The following BNIP3 variants were observed in gnomAD, a reference collection of about 807,000 sequenced individuals.
BNIP3 encodes the protein BCL2/adenovirus E1B 19 kDa protein-interacting protein 3.
BNIP3 carries 16 observed loss-of-function variants against 23.9 expected under a neutral mutation model. The observed-to-expected ratio is 0.67, with a 90% confidence interval of 0.45 to 1.01. BNIP3 has a LOEUF of 1.01. Among genes scored for constraint, BNIP3 ranks in the 50% least tolerant of loss-of-function variants. BNIP3 has a pLI of 0.00. For synonymous variants in BNIP3, 81 were observed against 89.3 expected (o/e 0.91, Z 0.53); for missense variants, 198 against 248.7 (o/e 0.80, Z 1.37).
intron 3 of BNIP3, 106 bp downstream of exon 3, chr10:131,972,928 C>T (rs2037048122): frequency 1.7e-6 from 2 of 1,175,006 alleles, no homozygotes; most frequent in South Asian, 1.4e-5. Flanking sequence ...AGGAAACACC[C>T]TTAAAGCCCG....
chr10:131,974,374 A>T (rs1174843953), intron 1 of BNIP3, among the ~76,000 whole-genome samples: 3 of 152,226 alleles, frequency 2.0e-5, no homozygotes, highest in Non-Finnish European at 4.4e-5. Context: ...GTTTTCTTTA[A>T]AAGGTTTAAG....
At chr10:131,980,208 C>CG (rs1418122033) in intron 1 of BNIP3, 2 of 152,228 alleles carry the variant, frequency 1.3e-5, no homozygotes, top group African/African-American at 2.4e-5. Context: ...CCGAGCCCCC[C>CG]GGAGCCCCCT....
At chr10:131,973,974 G>A (rs1370453411) in intron 1 of BNIP3, 31 bp from the exon 2 acceptor site, 2 of 1,612,486 alleles carry the variant, frequency 1.2e-6, no homozygotes, top group South Asian at 1.1e-5. Context: ...GGCGCAGATG[G>A]AATTCTCTAC....
chr10:131,972,038 A>ATT (rs72515748), intron 3 of BNIP3, among the ~76,000 whole-genome samples: 2 of 74,578 alleles, frequency 2.7e-5, no homozygotes, highest in African/African-American at 1.8e-4. Context: ...CCAAGAAAAC[A>ATT]CATCGCGCAT....
chr10:131,970,530 C>G lies in BNIP3; in HGVS notation c.539+108G>C. On this transcript the variant is annotated intron_variant, in intron 5 of 5. Transcript: ENST00000368636. This position sits in a 1 kb window ranked among gnomAD's most constrained non-coding sequence, Gnocchi z 4.1. The stretch of plus-strand genomic sequence containing the variant: ...TGGGTGTTTGTGAAAATGCACCAAG[C>G]TGTAACTGATGATCTGGACTTCAGG... 7.0e-7 allele frequency: 1 copy of G among 1,423,398 alleles called. No homozygotes were observed. The highest frequency in any genetic ancestry group is 9.4e-7 in the Non-Finnish European group (1 of 1,058,902). 88.2% of individuals were successfully genotyped at this position (1,423,398 alleles called of 1,614,324 possible). A position where few individuals can be genotyped will look rare whatever the true frequency, so the allele number is the denominator to read the frequency against.
At chr10:131,973,164 A>G (rs760577476) in intron 2 of BNIP3, 46 bp from the exon 3 acceptor site, 1 of 1,586,060 alleles carries the variant, frequency 6.3e-7, no homozygotes, top group South Asian at 1.1e-5. Flanking sequence ...TCATGTGAAC[A>G]TTCTATCATT....
chr10:131,973,288 C>G (rs557363817), intron 2 of BNIP3, 170 bp from the exon 3 acceptor site: 1 of 642,368 alleles, frequency 1.6e-6, no homozygotes, highest in African/African-American at 1.8e-5. Context: ...TCTTCCTCAG[C>G]CCTTTTGGCT....
At chr10:131,972,799 G>A (rs998054341) in intron 3 of BNIP3, among the ~76,000 whole-genome samples, 2 of 152,136 alleles carry the variant, frequency 1.3e-5, no homozygotes, top group African/African-American at 2.4e-5. Context: ...GGAGGCCCCC[G>A]CTGCCTGTCC....
chr10:131,978,651 G>T (rs2037097350), intron 1 of BNIP3, among the ~76,000 whole-genome samples: 1 of 152,198 alleles, frequency 6.6e-6, no homozygotes, highest in Non-Finnish European at 1.5e-5. Context: ...AGAATCACCT[G>T]TGGTGTTTTT....
chr10:131,975,848 C>CTAA (rs2037074891), intron 1 of BNIP3, among the ~76,000 whole-genome samples: 1 of 152,228 alleles, frequency 6.6e-6, no homozygotes, highest in Non-Finnish European at 1.5e-5. Flanking sequence ...ATGTCCTGGC[C>CTAA]TACACGAAGC....
At chr10:131,977,025 C>A (rs536861298) in intron 1 of BNIP3, among the ~76,000 whole-genome samples, 1 of 152,264 alleles carries the variant, frequency 6.6e-6, no homozygotes, top group South Asian at 2.1e-4. Context: ...GTAATCCCAG[C>A]ACTTTGGGAG....
intron 1 of BNIP3, 93 bp from the exon 2 acceptor site, chr10:131,974,036 A>T (rs2037061984): frequency 5.9e-6 from 9 of 1,521,138 alleles, no homozygotes; most frequent in Non-Finnish European, 7.2e-6. Flanking sequence ...TCCATTTCCA[A>T]GAGGTAGCAA....
In BNIP3 at chr10:131,981,748, T is replaced by C; in HGVS notation, c.46+13A>G. The C allele has an allele frequency of 6.8e-7, 1 of 1,463,988 alleles. No individual in the cohort carries two copies. 90.7% of individuals were successfully genotyped at this position (1,463,988 alleles called of 1,614,324 possible). A position where few individuals can be genotyped will look rare whatever the true frequency, so the allele number is the denominator to read the frequency against. On this transcript the variant is annotated intron_variant, in intron 1 of 5. Coordinates refer to ENST00000368636, the MANE Select transcript of BNIP3 (RefSeq NM_004052.4). Reference sequence around the variant, plus strand: ...GCGCCCCCTCGGCTCCCGCGCCGCCTCCTCCGCCTCACCCTGCAGGCTCTC... The same window carrying C: ...GCGCCCCCTCGGCTCCCGCGCCGCCCCCTCCGCCTCACCCTGCAGGCTCTC...
At chr10:131,968,610 T>G in intron 5 of BNIP3, 41 bp from the exon 6 acceptor site, 3 of 1,528,446 alleles carry the variant, frequency 2.0e-6, no homozygotes, top group Non-Finnish European at 2.7e-6. Context: ...ATCTTGTGAT[T>G]CACAGGAGAC....
In BNIP3 at chr10:131,973,777, G is replaced by A. The variant is rs890959905; in HGVS notation, c.197+16C>T. ...CATCGGCACTGTAACACATACACTT[G>A]TTGATGCGCGCCTACCTGTCACAGT... On this transcript the variant is annotated intron_variant, in intron 2 of 5. Transcript: ENST00000368636. The A allele has an allele frequency of 6.2e-7, 1 of 1,611,740 alleles. No homozygotes were observed. Among genetic ancestry groups the A allele is most frequent in the East Asian group, 2.2e-5 (1 of 44,890 alleles).
At position 131,968,047 on chromosome 10, in the gene BNIP3, TTTAAA is replaced by T. The variant is rs2036987499; in HGVS notation, c.*472_*476del. 1.3e-5 allele frequency: 2 copies of T among 153,434 alleles called. No homozygotes were observed. The highest frequency in any genetic ancestry group is 4.8e-5 in the African/African-American group (2 of 41,470). The allele number at this position is 153,434 out of a possible 1,614,324, so 9.5% of individuals were successfully genotyped here. A position where few individuals can be genotyped will look rare whatever the true frequency, so the allele number is the denominator to read the frequency against. On this transcript the variant is annotated 3_prime_UTR_variant, in exon 6 of 6. Transcript: ENST00000368636. ...TTCTTTAGTAGACAACCTGCATCCA[TTTAAA>T]TTAAATAATACTTTCTACAATAGTG...
intron 2 of BNIP3, chr10:131,973,520 T>C (rs1189591597): frequency 3.8e-6 from 2 of 519,508 alleles, no homozygotes; most frequent in Middle Eastern, 5.1e-4. Context: ...CTGAGGCGCG[T>C]GAGTGCGTTT....
chr10:131,967,739 G>A lies in BNIP3; in HGVS notation c.*785C>T, dbSNP rs1358019856. On this transcript the variant is annotated 3_prime_UTR_variant, in exon 6 of 6. Coordinates refer to ENST00000368636, the MANE Select transcript of BNIP3 (RefSeq NM_004052.4). ...TTTCCATTTCCAGTTTTTTAAAGTA[G>A]ACACAGATTTGCTTAGAATAAAGCT... 1.3e-5 allele frequency: 2 copies of A among 152,512 alleles called. No individual in the cohort carries two copies. Among genetic ancestry groups the A allele is most frequent in the Non-Finnish European group, 2.9e-5 (2 of 68,022 alleles). The allele number at this position is 152,512 out of a possible 1,614,324, so 9.4% of individuals were successfully genotyped here. A position where few individuals can be genotyped will look rare whatever the true frequency, so the allele number is the denominator to read the frequency against.
At chr10:131,973,965 G>A in intron 1 of BNIP3, 22 bp from the exon 2 acceptor site, 1 of 1,613,148 alleles carries the variant, frequency 6.2e-7, no homozygotes, top group Non-Finnish European at 8.5e-7. Context: ...AAAAAAAGGG[G>A]CGCAGATGGA....
Sources: allele counts gnomAD v4.1 joint callset (sites outside exome capture counted in the v4.1 genomes callset), GRCh38; gene constraint gnomAD v4.1.1; non-coding constraint Gnocchi (gnomAD v3.1); transcripts MANE v1.5; gene names NCBI Gene and HGNC (gene_info 2026-07-23, HGNC 2026-07-21).